The following RUNX1 variants were observed in gnomAD, a reference collection of about 807,000 sequenced individuals.
RUNX1 encodes the protein runt-related transcription factor 1.
Under a neutral mutation model 42.8 loss-of-function variants are expected in RUNX1, and 19 were observed. That is an observed-to-expected ratio of 0.44 (90% CI 0.31 to 0.65). RUNX1 has a LOEUF of 0.65. Ranked by LOEUF, RUNX1 falls within the 30% of genes least tolerant of loss-of-function variation. RUNX1 has a pLI of 0.07. For missense variants in RUNX1, 528 were observed against 672.0 expected, an observed-to-expected ratio of 0.79 and a Z score of 2.37; for synonymous variants, 271 against 289.4, an observed-to-expected ratio of 0.94 and a Z score of 0.64.
At chr21:34,875,594 G>T (rs1569075311) in intron 5 of RUNX1, among the ~76,000 whole-genome samples, 1 of 152,104 alleles carries the variant, frequency 6.6e-6, no homozygotes, top group African/African-American at 2.4e-5. Context: ...TTTATACCAT[G>T]AACATTACCC....
chr21:34,801,910 G>A (rs992496283), intron 7 of RUNX1, among the ~76,000 whole-genome samples: 4 of 152,182 alleles, frequency 2.6e-5, no homozygotes, highest in Admixed American at 6.5e-5. Flanking sequence ...TGAACTCTTG[G>A]TCTTTCTGTC....
chr21:34,881,858 C>A (rs1196989085), intron 4 of RUNX1, among the ~76,000 whole-genome samples: 2 of 152,200 alleles, frequency 1.3e-5, no homozygotes, highest in Non-Finnish European at 2.9e-5. Flanking sequence ...TAGACATTTA[C>A]TATTGGCTGT....
chr21:34,796,004 T>G (rs1248174875), intron 8 of RUNX1, among the ~76,000 whole-genome samples: 1 of 152,256 alleles, frequency 6.6e-6, no homozygotes, highest in East Asian at 1.9e-4. Context: ...AAGGTCACCC[T>G]GTTTTACAGC....
intron 2 of RUNX1, among the ~76,000 whole-genome samples, chr21:34,952,544 T>C (rs1332269775): frequency 5.9e-5 from 9 of 152,192 alleles, no homozygotes; most frequent in Admixed American, 2.0e-4. Flanking sequence ...TCAATATATA[T>C]GCTTTGAAGG....
intron 2 of RUNX1, among the ~76,000 whole-genome samples, chr21:34,958,466 C>T (rs2058660895): frequency 6.6e-6 from 1 of 152,140 alleles, no homozygotes. Context: ...TCATCACTGG[C>T]CATCAGAGAA....
chr21:34,912,457 A>C (rs973419819), intron 2 of RUNX1, among the ~76,000 whole-genome samples: 2 of 152,010 alleles, frequency 1.3e-5, no homozygotes, highest in Non-Finnish European at 2.9e-5. Flanking sequence ...TGGCAACCAC[A>C]ACTGGCCAGT....
rs1006245778 is a variant in RUNX1 at position 34,907,372 on chromosome 21, G to A, written c.59-14409C>T. Among the ~76,000 whole-genome samples, 1 of 152,130 alleles carries A rather than the reference G, an allele frequency of 6.6e-6. No homozygotes were observed. The highest frequency in any genetic ancestry group is 2.4e-5 in the African/African-American group (1 of 41,418). ...TTAATAATAATAATAACAAAAGCAA[G>A]GTAAGAAGAAGAAATAGAACAGAAT... On this transcript the variant is annotated intron_variant, in intron 2 of 8. Coordinates refer to ENST00000675419, the MANE Select transcript of RUNX1 (RefSeq NM_001754.5). The surrounding 1 kb of genome is among the most constrained non-coding windows in gnomAD (Gnocchi z 5.3).
chr21:34,859,343 C>T, intron 6 of RUNX1, 131 bp downstream of exon 6: 1 of 773,972 alleles, frequency 1.3e-6, no homozygotes, highest in South Asian at 1.5e-5. Context: ...AACTTTTTGG[C>T]TTTACGGGGG....
At chr21:35,047,529 A>G (rs2059405472) in intron 2 of RUNX1, among the ~76,000 whole-genome samples, 1 of 95,222 alleles carries the variant, frequency 1.1e-5, no homozygotes, top group Non-Finnish European at 2.1e-5. Context: ...ACACACACAC[A>G]CACACACACA....
chr21:34,820,448 G>A (rs1308047807), intron 7 of RUNX1, among the ~76,000 whole-genome samples: 1 of 152,020 alleles, frequency 6.6e-6, no homozygotes, highest in Admixed American at 6.6e-5. Context: ...TCAGGAGTTC[G>A]AGACGAGCCT....
chr21:34,810,188 T>C (rs1000915723), intron 7 of RUNX1, among the ~76,000 whole-genome samples: 1 of 152,246 alleles, frequency 6.6e-6, no homozygotes, highest in African/African-American at 2.4e-5. Flanking sequence ...AGTTTTTACT[T>C]TGGCACTTTT....
intron 7 of RUNX1, among the ~76,000 whole-genome samples, chr21:34,820,727 C>T (rs1413479787): frequency 6.6e-6 from 1 of 152,002 alleles, no homozygotes; most frequent in African/African-American, 2.4e-5. Context: ...TGATACTGAA[C>T]CCAACCATGG....
At chr21:35,039,591 C>T (rs2059342857) in intron 2 of RUNX1, among the ~76,000 whole-genome samples, 2 of 152,236 alleles carry the variant, frequency 1.3e-5, no homozygotes, top group Non-Finnish European at 2.9e-5. Flanking sequence ...TCATATGTCT[C>T]AGGGTTCACT....
intron 2 of RUNX1, among the ~76,000 whole-genome samples, chr21:34,953,045 C>T (rs2058619905): frequency 6.6e-6 from 1 of 152,040 alleles, no homozygotes; most frequent in Admixed American, 6.6e-5. Context: ...AAAAATCTGA[C>T]AGGCACAAAG....
chr21:35,023,327 A>G (rs1209279243), intron 2 of RUNX1, among the ~76,000 whole-genome samples: 1 of 152,248 alleles, frequency 6.6e-6, no homozygotes, highest in Non-Finnish European at 1.5e-5. Context: ...CGGAAAATTA[A>G]CAATCAAGTC....
At chr21:34,891,617 T>A (rs1157833690) in intron 3 of RUNX1, among the ~76,000 whole-genome samples, 1 of 151,442 alleles carries the variant, frequency 6.6e-6, no homozygotes, top group African/African-American at 2.4e-5. Flanking sequence ...TTCCTTTGCC[T>A]AAGGGAGAAA....
At chr21:34,995,014 C>T (rs988668858) in intron 2 of RUNX1, among the ~76,000 whole-genome samples, 17 of 152,214 alleles carry the variant, frequency 1.1e-4, no homozygotes, top group African/African-American at 4.1e-4. Flanking sequence ...TCTAGGAGAA[C>T]ATGAATCAGC....
Position 34,792,256 on chromosome 21 carries a change from A to C in RUNX1, c.1322T>G (p.Leu441Arg), listed in dbSNP as rs777551786. ...PCTNASTGSA[L>R]LNPSLPNQSD... ...CTGGTTCGGGAGGCTGGGGTTGAGC[A>C]GCGCGGAGCCGGTGGAGGCGTTGGT... Residue 441 changes from leucine to arginine, a missense_variant, in exon 9 of 9, where the codon CTG (leucine) becomes CGG (arginine). By Grantham distance (102) the Leu-to-Arg change is moderately radical. Transcript: ENST00000675419. This position sits in a 1 kb window ranked among gnomAD's most constrained non-coding sequence, Gnocchi z 6.9. The C allele has an allele frequency of 3.9e-6, 6 of 1,537,338 alleles. No individual in the cohort carries two copies. In the Admixed American group the frequency reaches 7.8e-5, roughly 20 times the overall value.
chr21:34,937,384 A>G (rs2058494206), intron 2 of RUNX1, among the ~76,000 whole-genome samples: 1 of 150,544 alleles, frequency 6.6e-6, no homozygotes, highest in Non-Finnish European at 1.5e-5. Flanking sequence ...AGTGACTCAT[A>G]GGCTCTGGGG....
Sources: gnomAD v4.1 joint callset for allele counts (sites outside exome capture counted in the v4.1 genomes callset) on GRCh38, gnomAD v4.1.1 for gene constraint, Gnocchi (gnomAD v3.1) non-coding constraint, MANE v1.5 for transcripts, NCBI Gene and HGNC (gene_info 2026-07-23, HGNC 2026-07-21) for gene names.